Variants in MRPL39 observed in about 807,000 individuals in gnomAD.
MRPL39 encodes mitochondrial ribosomal protein L39.
Under a neutral mutation model 44.5 loss-of-function variants are expected in MRPL39, and 35 were observed. The observed-to-expected ratio is 0.79, with a 90% CI of 0.60 to 1.04. MRPL39 has a LOEUF of 1.04. MRPL39 is among the 50% of genes least tolerant of loss of function. The pLI is 0.00. For missense variants in MRPL39, 433 were observed against 413.5 expected, an observed-to-expected ratio of 1.05 and a Z score of -0.41; for synonymous variants, 139 against 136.1, an observed-to-expected ratio of 1.02 and a Z score of -0.15.
intron 2 of MRPL39, 72 bp downstream of exon 2, chr21:25,606,377 T>G: frequency 7.6e-7 from 1 of 1,318,328 alleles, no homozygotes; most frequent in Non-Finnish European, 1.0e-6. Flanking sequence ...TACAGCATCC[T>G]GTCTCCTGCA....
intron 8 of MRPL39, 64 bp from the exon 9 acceptor site, chr21:25,588,946 G>A (rs2031088829): frequency 1.5e-6 from 2 of 1,335,442 alleles, no homozygotes; most frequent in African/African-American, 1.5e-5. Context: ...AAAGGACAGA[G>A]TCTTTATATA....
Position 25,601,380 on chromosome 21 carries a change from G to A in MRPL39, c.508C>T (p.Pro170Ser). The change falls in exon 4 of 10, where the codon CCA becomes TCA. Residue 170 changes from proline (P) to serine (S), a missense_variant. Coordinates refer to ENST00000352957, the MANE Select transcript of MRPL39 (RefSeq NM_017446.4). ...ATGTATACACTACCAGGAACTTCTG[G>A]AGCTCTGACCAAATTGACCATATAT... is the stretch of plus-strand genomic sequence containing the variant. The part of the protein sequence containing the change: ...DEYMVNLVRA[P>S]EVPVISGAFC... 6.2e-7 allele frequency: 1 copy of A among 1,608,394 alleles called. No individual in the cohort carries two copies. Among genetic ancestry groups the A allele is most frequent in the Non-Finnish European group, 8.5e-7 (1 of 1,176,724 alleles).
rs7278168 is a variant in MRPL39 at position 25,603,910 on chromosome 21, C to T, written c.306G>A (p.Lys102=). ...AMHLSEWYCR[K]SILALVDGQP... is the part of the protein sequence containing the mutation. ...GTCCATCCACCAGAGCCAGAATGGA[C>T]TTCCTGCAATACCACTCGCTTAAAT... is the stretch of plus-strand genomic sequence containing the variant. Residue 102 remains lysine (K), a synonymous_variant, in exon 3 of 10, where the codon AAG becomes AAA. Coordinates refer to ENST00000352957, the MANE Select transcript of MRPL39 (RefSeq NM_017446.4). 37,245 of 1,610,920 alleles carry T rather than the reference C, an allele frequency of 0.023. 3,041 individuals are homozygous for T. Among genetic ancestry groups the T allele is most frequent in the African/African-American group, 0.21 (15,513 of 74,542 alleles).
intron 5 of MRPL39, 87 bp downstream of exon 5, chr21:25,599,712 G>T: frequency 9.4e-7 from 1 of 1,068,290 alleles, no homozygotes; most frequent in Non-Finnish European, 1.4e-6. Flanking sequence ...TCAACATGCA[G>T]TACCATTCAA....
chr21:25,592,681 G>C, intron 8 of MRPL39, 131 bp downstream of exon 8: 1 of 647,248 alleles, frequency 1.5e-6, no homozygotes, highest in Non-Finnish European at 2.3e-6. Flanking sequence ...ATAAACCTGA[G>C]TTTATAAAAT....
intron 2 of MRPL39, among the ~76,000 whole-genome samples, chr21:25,605,486 T>C (rs751904767): frequency 2.0e-5 from 3 of 151,896 alleles, no homozygotes; most frequent in Non-Finnish European, 2.9e-5. Flanking sequence ...AAGCAGATGA[T>C]AGATTAAGTT....
At chr21:25,601,255 T>G (rs557589667) in intron 4 of MRPL39, 113 bp downstream of exon 4, 3 of 512,194 alleles carry the variant, frequency 5.9e-6, no homozygotes, top group Non-Finnish European at 1.0e-5. Flanking sequence ...TTACCCATGA[T>G]AAATGACACA....
chr21:25,605,798 G>T (rs865970163), intron 2 of MRPL39, among the ~76,000 whole-genome samples: 48 of 152,128 alleles, frequency 3.2e-4, no homozygotes, highest in African/African-American at 1.0e-3. Flanking sequence ...CAGCTACTTC[G>T]TAGGCTGAGG....
chr21:25,604,830 T>C (rs2031617091), intron 2 of MRPL39, among the ~76,000 whole-genome samples: 1 of 152,218 alleles, frequency 6.6e-6, no homozygotes, highest in Non-Finnish European at 1.5e-5. Flanking sequence ...AGGCCTGGAA[T>C]ATAGCAGGTG....
chr21:25,592,285 T>C (rs1313581202), intron 8 of MRPL39, among the ~76,000 whole-genome samples: 1 of 152,186 alleles, frequency 6.6e-6, no homozygotes, highest in Non-Finnish European at 1.5e-5. Context: ...GTCCATACCC[T>C]GGTGGTGATA....
chr21:25,606,385 G>A lies in MRPL39; in HGVS notation c.280+64C>T. ...AAGTAATTACAGCATCCTGTCTCCT[G>A]CACCAGTGCTTCCACACAGCTTAAG... is the stretch of plus-strand genomic sequence containing the variant. On this transcript the variant is annotated intron_variant, in intron 2 of 9. Coordinates refer to ENST00000352957, the MANE Select transcript of MRPL39 (RefSeq NM_017446.4). 5.8e-6 allele frequency: 8 copies of A among 1,370,308 alleles called. No individual in the cohort carries two copies. The South Asian group carries it at 6.9e-5, about 12-fold the overall frequency. 84.9% of individuals were successfully genotyped at this position (1,370,308 alleles called of 1,614,324 possible).
At position 25,597,358 on chromosome 21, in the gene MRPL39, T is replaced by G; in HGVS notation, c.645A>C (p.Pro215=). 1.3e-5 allele frequency: 21 copies of G among 1,604,032 alleles called. No homozygotes were observed. Among genetic ancestry groups the G allele is most frequent in the Non-Finnish European group, 1.7e-5 (20 of 1,173,994 alleles). The change falls in exon 6 of 10, where the codon CCA becomes CCC. Residue 215 remains proline (P), a synonymous_variant. Coordinates refer to ENST00000352957, the MANE Select transcript of MRPL39 (RefSeq NM_017446.4). ...DAHALIYKDL[P]FETLEVEAKV... ...TTGCTTCAACTTCCAGAGTTTCAAA[T>G]GGAAGATCTTTATAAATTAAAGCAT...
chr21:25,607,632 T>C, upstream of MRPL39: 1 of 716,014 alleles, frequency 1.4e-6, no homozygotes, highest in Non-Finnish European at 2.3e-6. Flanking sequence ...GGGGATTCAG[T>C]GGCTGAGACC....
chr21:25,607,330 C>G, intron 1 of MRPL39, 73 bp downstream of exon 1: 2 of 1,555,490 alleles, frequency 1.3e-6, no homozygotes, highest in Non-Finnish European at 1.8e-6. Flanking sequence ...TCCCCGGCCC[C>G]GCCTCAGACC....
In MRPL39 at chr21:25,597,526, G is replaced by T. The variant is rs887902879; in HGVS notation, c.589-112C>A. On this transcript the variant is annotated intron_variant, in intron 5 of 9. Transcript: ENST00000352957. ...TACTGCAAATCCAACTAAAATAAAAGATAAAATCAAATTTGTTAGAACAGA... is the reference window on the plus strand; with the variant it reads ...TACTGCAAATCCAACTAAAATAAAATATAAAATCAAATTTGTTAGAACAGA... 7.1e-6 allele frequency: 4 copies of T among 562,876 alleles called. No individual in the cohort carries two copies. In the South Asian group the frequency reaches 1.2e-4, roughly 17 times the overall value. 34.9% of individuals were successfully genotyped at this position (562,876 alleles called of 1,614,324 possible). A position where few individuals can be genotyped will look rare whatever the true frequency, so the allele number is the denominator to read the frequency against.
At chr21:25,592,396 T>G (rs2031206849) in intron 8 of MRPL39, among the ~76,000 whole-genome samples, 1 of 152,064 alleles carries the variant, frequency 6.6e-6, no homozygotes, top group Non-Finnish European at 1.5e-5. Context: ...AATCAAAAAT[T>G]TAAATAAAAA....
At chr21:25,604,886 C>T (rs1053047521) in intron 2 of MRPL39, among the ~76,000 whole-genome samples, 3 of 152,150 alleles carry the variant, frequency 2.0e-5, no homozygotes, top group Non-Finnish European at 2.9e-5. Context: ...ATGACAAGAA[C>T]GTCTCATTGC....
upstream of MRPL39, among the ~76,000 whole-genome samples, chr21:25,607,820 G>A (rs1322845548): frequency 6.6e-6 from 1 of 150,652 alleles, no homozygotes; most frequent in East Asian, 2.0e-4. Context: ...GTTCGATCCC[G>A]GCCACCCAGG....
intron 5 of MRPL39, among the ~76,000 whole-genome samples, chr21:25,598,370 G>A (rs144219706): frequency 1.3e-5 from 2 of 151,522 alleles, no homozygotes; most frequent in African/African-American, 4.8e-5. Context: ...AAAGGCTGAG[G>A]CAGGAAGATT....
Sources: gnomAD v4.1 joint callset for allele counts (sites outside exome capture counted in the v4.1 genomes callset) on GRCh38, gnomAD v4.1.1 for gene constraint, MANE v1.5 for transcripts, NCBI Gene and HGNC (gene_info 2026-07-23, HGNC 2026-07-21) for gene names.